The following GALNT13 variants were observed in gnomAD, a reference collection of about 807,000 sequenced individuals.
GALNT13 encodes the protein polypeptide N-acetylgalactosaminyltransferase 13.
GALNT13 carries 28 observed loss-of-function variants against 64.2 expected under a neutral mutation model. The ratio of observed to expected loss-of-function variants is 0.44; its 90% CI spans 0.32 to 0.60. The LOEUF (loss-of-function observed/expected upper bound fraction) is 0.60, where lower values mean the gene tolerates loss of function less well. GALNT13 is among the 20% of genes least tolerant of loss of function. The pLI, the probability that GALNT13 is intolerant of heterozygous loss-of-function variation, is 0.05. For missense variants in GALNT13, 577 were observed against 669.8 expected (o/e 0.86, Z 1.53); for synonymous variants, 214 against 224.6 (o/e 0.95, Z 0.42).
chr2:153,296,501 A>G, the GALNT13 span, among the ~76,000 whole-genome samples: 1 of 152,202 alleles, frequency 6.6e-6, no homozygotes, highest in Admixed American at 6.5e-5. Flanking sequence ...GAAGTTCATA[A>G]TGGAGAGAGA....
At chr2:153,308,269 C>A in the GALNT13 span, among the ~76,000 whole-genome samples, 1 of 152,146 alleles carries the variant, frequency 6.6e-6, no homozygotes, top group Admixed American at 6.5e-5. Flanking sequence ...GTATTACACA[C>A]TTTCCTACTT....
the GALNT13 span, among the ~76,000 whole-genome samples, chr2:153,698,082 C>T: frequency 1.1e-4 from 17 of 152,252 alleles, no homozygotes; most frequent in South Asian, 2.1e-4. Flanking sequence ...CTTGCAAGAG[C>T]TCCTAAAGGA....
At chr2:154,355,712 T>A (rs1696701661) in intron 9 of GALNT13, among the ~76,000 whole-genome samples, 1 of 152,080 alleles carries the variant, frequency 6.6e-6, no homozygotes, top group South Asian at 2.1e-4. Context: ...AATTTTTAGT[T>A]CGAGAGGCTG....
chr2:153,558,686 G>A, the GALNT13 span, among the ~76,000 whole-genome samples: 1 of 152,086 alleles, frequency 6.6e-6, no homozygotes, highest in Admixed American at 6.6e-5. Flanking sequence ...CCTCCCCAAA[G>A]GGGAAAATAA....
At chr2:153,389,741 G>A in the GALNT13 span, among the ~76,000 whole-genome samples, 2 of 152,080 alleles carry the variant, frequency 1.3e-5, no homozygotes, top group African/African-American at 4.8e-5. Flanking sequence ...GCACCTGGTG[G>A]AGGGTACATT....
At chr2:153,254,015 A>G in the GALNT13 span, among the ~76,000 whole-genome samples, 7 of 152,114 alleles carry the variant, frequency 4.6e-5, no homozygotes, top group African/African-American at 1.2e-4. Context: ...CTCTTTTTCT[A>G]TTGATTGGAA....
the GALNT13 span, among the ~76,000 whole-genome samples, chr2:153,750,314 T>C: frequency 6.6e-6 from 1 of 152,080 alleles, no homozygotes; most frequent in South Asian, 2.1e-4. Context: ...TGTCTGGTTT[T>C]GGTATCACGG....
At chr2:153,515,394 C>G in the GALNT13 span, among the ~76,000 whole-genome samples, 2 of 152,200 alleles carry the variant, frequency 1.3e-5, no homozygotes, top group African/African-American at 4.8e-5. Context: ...TCCCTTTGCT[C>G]TGAAAACCTT....
At chr2:154,315,207 T>C (rs1694256448) in intron 9 of GALNT13, among the ~76,000 whole-genome samples, 1 of 152,178 alleles carries the variant, frequency 6.6e-6, no homozygotes, top group Non-Finnish European at 1.5e-5. Flanking sequence ...AGGACCCTAA[T>C]AATTTACATT....
the GALNT13 span, among the ~76,000 whole-genome samples, chr2:153,520,153 C>G: frequency 6.6e-6 from 1 of 152,166 alleles, no homozygotes; most frequent in Non-Finnish European, 1.5e-5. Context: ...TAATATTTAA[C>G]AACATATTTG....
the GALNT13 span, among the ~76,000 whole-genome samples, chr2:153,108,350 G>A: frequency 6.6e-6 from 1 of 152,162 alleles, no homozygotes; most frequent in African/African-American, 2.4e-5. Context: ...CAGTTGGGGA[G>A]GGGTGCTGTG....
chr2:153,149,313 A>G, the GALNT13 span, among the ~76,000 whole-genome samples: 1 of 151,528 alleles, frequency 6.6e-6, no homozygotes, highest in Non-Finnish European at 1.5e-5. Context: ...CATCTATTTG[A>G]CTCCAAAGCC....
chr2:153,637,972 G>A, the GALNT13 span, among the ~76,000 whole-genome samples: 1 of 152,132 alleles, frequency 6.6e-6, no homozygotes, highest in African/African-American at 2.4e-5. Flanking sequence ...TTAAGCAGGG[G>A]AGGGATTAAG....
the GALNT13 span, among the ~76,000 whole-genome samples, chr2:153,351,422 C>G: frequency 6.6e-6 from 1 of 152,136 alleles, no homozygotes; most frequent in African/African-American, 2.4e-5. Context: ...CGTTCCCAAG[C>G]AGAGTAATAT....
At chr2:153,147,682 A>G in the GALNT13 span, among the ~76,000 whole-genome samples, 11 of 151,682 alleles carry the variant, frequency 7.3e-5, no homozygotes, top group Admixed American at 3.3e-4. Flanking sequence ...GGTTTTAGAA[A>G]TTTGGGAAAC....
At chr2:153,437,134 T>G in the GALNT13 span, among the ~76,000 whole-genome samples, 5 of 152,166 alleles carry the variant, frequency 3.3e-5, no homozygotes, top group Non-Finnish European at 7.3e-5. Flanking sequence ...AGTTGAGTGG[T>G]TTTGAGTGAG....
chr2:153,473,279 A>G, the GALNT13 span, among the ~76,000 whole-genome samples: 1 of 152,194 alleles, frequency 6.6e-6, no homozygotes, highest in Non-Finnish European at 1.5e-5. Flanking sequence ...AAATATAATA[A>G]TAATCAAAAA....
chr2:153,369,143 A>G, the GALNT13 span, among the ~76,000 whole-genome samples: 26 of 152,244 alleles, frequency 1.7e-4, no homozygotes, highest in East Asian at 3.3e-3. Flanking sequence ...AATACAACCT[A>G]TCAAAATGTG....
chr2:153,528,696 T>C, the GALNT13 span, among the ~76,000 whole-genome samples: 1 of 152,062 alleles, frequency 6.6e-6, no homozygotes, highest in African/African-American at 2.4e-5. Context: ...AAAATACTTT[T>C]AAAAACCCTG....
Sources: gnomAD v4.1 joint callset for allele counts (sites outside exome capture counted in the v4.1 genomes callset) on GRCh38, gnomAD v4.1.1 for gene constraint, MANE v1.5 for transcripts, NCBI Gene and HGNC (gene_info 2026-07-23, HGNC 2026-07-21) for gene names.